CDH12: variants seen among roughly 807,000 people sequenced by gnomAD.
CDH12 encodes cadherin 12.
CDH12 carries 41 observed loss-of-function variants against 74.1 expected under a neutral mutation model. The observed-to-expected ratio is 0.55, with a 90% CI of 0.43 to 0.72. The LOEUF is 0.72. Ranked by LOEUF, CDH12 falls within the 30% of genes least tolerant of loss-of-function variation. CDH12 has a pLI of 0.00. For missense variants in CDH12, 945 were observed against 977.2 expected, an observed-to-expected ratio of 0.97 and a Z score of 0.44; for synonymous variants, 399 against 355.0, an observed-to-expected ratio of 1.12 and a Z score of -1.39.
At chr5:22,777,125 G>A (rs979973337) in intron 1 of CDH12, among the ~76,000 whole-genome samples, 2 of 151,928 alleles carry the variant, frequency 1.3e-5, no homozygotes, top group Non-Finnish European at 2.9e-5. Flanking sequence ...AGATAGCTAT[G>A]AGCTACCCCA....
At chr5:22,442,688 G>A (rs553816108) in intron 2 of CDH12, among the ~76,000 whole-genome samples, 1 of 152,184 alleles carries the variant, frequency 6.6e-6, no homozygotes, top group East Asian at 1.9e-4. Flanking sequence ...AGATAGTTGA[G>A]AGGATGATCT....
At chr5:22,445,495 C>T (rs1028971483) in intron 2 of CDH12, among the ~76,000 whole-genome samples, 2 of 152,134 alleles carry the variant, frequency 1.3e-5, no homozygotes, top group African/African-American at 2.4e-5. Context: ...GTTTTTCAGT[C>T]ATTGAAATCT....
At chr5:22,807,543 T>C (rs1260605716) in intron 1 of CDH12, among the ~76,000 whole-genome samples, 2 of 152,186 alleles carry the variant, frequency 1.3e-5, no homozygotes, top group Admixed American at 1.3e-4. Flanking sequence ...AATGTATCAT[T>C]AGGCAATTTC....
intron 10 of CDH12, among the ~76,000 whole-genome samples, chr5:21,790,469 C>A (rs1405941305): frequency 6.6e-6 from 1 of 151,946 alleles, no homozygotes; most frequent in Non-Finnish European, 1.5e-5. Context: ...CACTGAGATG[C>A]AATGAAATGT....
chr5:22,296,979 CT>C (rs1009818661), intron 3 of CDH12, among the ~76,000 whole-genome samples: 1 of 103,048 alleles, frequency 9.7e-6, no homozygotes, highest in African/African-American at 3.1e-5. Context: ...TTCTTTTATT[CT>C]TTTCTTTCTT....
intron 1 of CDH12, among the ~76,000 whole-genome samples, chr5:22,697,963 T>C (rs1742465769): frequency 6.6e-6 from 1 of 152,000 alleles, no homozygotes; most frequent in Non-Finnish European, 1.5e-5. Context: ...CTTGGACCTC[T>C]CACCCCCAGG....
intron 7 of CDH12, among the ~76,000 whole-genome samples, chr5:21,854,172 A>G (rs1445796690): frequency 6.6e-6 from 1 of 151,650 alleles, no homozygotes; most frequent in East Asian, 1.9e-4. Flanking sequence ...GGCAAACAAA[A>G]TCAATGATTT....
At position 22,165,182 on chromosome 5, in the gene CDH12, A is replaced by G. The variant is rs534271022; in HGVS notation, c.-187+47316T>C. Among the ~76,000 whole-genome samples the G allele has an allele frequency of 4.6e-5, 7 of 152,208 alleles. No homozygotes were observed. In the South Asian group the frequency reaches 1.5e-3, roughly 32 times the overall value. ...GCTCATCACCCTGCAACTAATCCAC[A>G]TTTCATTCAGGGTAAGAGTCAAACT... On this transcript the variant is annotated intron_variant, in intron 4 of 14. Transcript: ENST00000382254.
chr5:22,031,040 A>C (rs919355755), intron 5 of CDH12, among the ~76,000 whole-genome samples: 3 of 152,114 alleles, frequency 2.0e-5, no homozygotes, highest in African/African-American at 7.2e-5. Context: ...TTTTTGCTTA[A>C]GAGAACGTTG....
intron 3 of CDH12, among the ~76,000 whole-genome samples, chr5:22,224,887 AG>A (rs1752141723): frequency 6.6e-6 from 1 of 151,862 alleles, no homozygotes; most frequent in Non-Finnish European, 1.5e-5. Flanking sequence ...TATTAAAAAA[AG>A]TATAAAATAT....
rs373753602 is a variant in CDH12, at chr5:22,214,502, G to A, written c.-332-1859C>T. Among the ~76,000 whole-genome samples the A allele has an allele frequency of 2.0e-4, 31 of 152,162 alleles. No homozygotes were observed. In the East Asian group the frequency reaches 4.5e-3, roughly 22 times the overall value. On this transcript the variant is annotated intron_variant, in intron 3 of 14. Coordinates refer to ENST00000382254, the MANE Select transcript of CDH12 (RefSeq NM_004061.5). Reference sequence around the variant, plus strand: ...TGTAACTGCTAATTTCTCCTGAGAGGGTTCCAACTAGTCTTTAACACAATA... The same window carrying A: ...TGTAACTGCTAATTTCTCCTGAGAGAGTTCCAACTAGTCTTTAACACAATA...
At chr5:22,654,439 G>T (rs1739917665) in intron 1 of CDH12, among the ~76,000 whole-genome samples, 1 of 150,908 alleles carries the variant, frequency 6.6e-6, no homozygotes, top group African/African-American at 2.4e-5. Flanking sequence ...ACAGGCACCT[G>T]CCTCCACCGC....
intron 2 of CDH12, among the ~76,000 whole-genome samples, chr5:22,488,024 A>T (rs923472292): frequency 6.6e-5 from 10 of 152,230 alleles, no homozygotes; most frequent in Non-Finnish European, 1.3e-4. Context: ...TATTAATGGC[A>T]AAAGCAGAAG....
At chr5:22,084,018 T>A (rs1274014950) in intron 4 of CDH12, among the ~76,000 whole-genome samples, 1 of 152,106 alleles carries the variant, frequency 6.6e-6, no homozygotes, top group Non-Finnish European at 1.5e-5. Context: ...ACTCCCAGCT[T>A]TCCACCCACA....
intron 1 of CDH12, among the ~76,000 whole-genome samples, chr5:22,716,450 GTGTGAACAAATCTA>G (rs1743582803): frequency 6.6e-6 from 1 of 152,030 alleles, no homozygotes; most frequent in African/African-American, 2.4e-5. Context: ...GAGGATGCTG[GTGTGAACAAATCTA>G]CTGTGCTGCC....
chr5:21,923,660 A>G (rs1359770697), intron 6 of CDH12, among the ~76,000 whole-genome samples: 1 of 152,174 alleles, frequency 6.6e-6, no homozygotes, highest in Non-Finnish European at 1.5e-5. Flanking sequence ...TTTCTAGCAT[A>G]TCCATGCCTA....
At chr5:22,762,395 A>T (rs995933480) in intron 1 of CDH12, among the ~76,000 whole-genome samples, 2 of 152,122 alleles carry the variant, frequency 1.3e-5, no homozygotes, top group Non-Finnish European at 2.9e-5. Flanking sequence ...AGTCATTCTT[A>T]AAAAAGTATT....
chr5:22,105,097 TTTTC>T (rs1164886782), intron 4 of CDH12, among the ~76,000 whole-genome samples: 2 of 151,716 alleles, frequency 1.3e-5, no homozygotes, highest in Admixed American at 1.3e-4. Context: ...TCTGCTTTTC[TTTTC>T]TTTTTTTTTG....
intron 1 of CDH12, among the ~76,000 whole-genome samples, chr5:22,605,683 C>A (rs1177976256): frequency 6.6e-6 from 1 of 152,260 alleles, no homozygotes; most frequent in South Asian, 2.1e-4. Context: ...GTCCCTTATT[C>A]CCCACAGGCC....
Sources: gnomAD v4.1 joint callset for allele counts (sites outside exome capture counted in the v4.1 genomes callset) on GRCh38, gnomAD v4.1.1 for gene constraint, MANE v1.5 for transcripts, NCBI Gene and HGNC (gene_info 2026-07-23, HGNC 2026-07-21) for gene names.